KPNA7: variants seen among roughly 807,000 people sequenced by gnomAD.
The protein encoded by KPNA7 is importin subunit alpha-8.
In KPNA7, 54 loss-of-function variants were observed where a neutral mutation model predicts 53.7. That is an observed-to-expected ratio of 1.01 (90% CI 0.81 to 1.26). The LOEUF (loss-of-function observed/expected upper bound fraction) is 1.26. Ranked by LOEUF, KPNA7 falls within the 50% of genes most tolerant of loss-of-function variation. The pLI, the probability that KPNA7 is intolerant of heterozygous loss-of-function variation, is 0.00. For synonymous variants in KPNA7, 276 were observed against 259.3 expected (o/e 1.06, Z -0.62); for missense variants, 640 against 644.5 (o/e 0.99, Z 0.07).
At chr7:99,209,541 G>A (rs1167103476), upstream of KPNA7, among the ~76,000 whole-genome samples, 1 of 151,842 alleles carries the variant, frequency 6.6e-6, no homozygotes, top group Non-Finnish European at 1.5e-5. Context: ...AAATTAGCCA[G>A]GCGTAGTGGC....
the KPNA7 span, among the ~76,000 whole-genome samples, chr7:99,148,476 G>C: frequency 2.6e-5 from 4 of 152,206 alleles, no homozygotes; most frequent in Admixed American, 2.0e-4. Context: ...CCTTCCTCCA[G>C]AAAAATTCAT....
At chr7:99,181,109 CTCTCCGTCTGTG>C (rs1188996038) in intron 9 of KPNA7, among the ~76,000 whole-genome samples, 1 of 37,630 alleles carries the variant, frequency 2.7e-5, no homozygotes, top group Non-Finnish European at 6.5e-5. Context: ...CTGTGTCTCT[CTCTCCGTCTGTG>C]TCTCTCTCTC....
the KPNA7 span, among the ~76,000 whole-genome samples, chr7:99,155,951 C>T: frequency 2.0e-5 from 3 of 152,092 alleles, no homozygotes; most frequent in Non-Finnish European, 2.9e-5. Flanking sequence ...CCAACAAGAA[C>T]GAATCAACTT....
chr7:99,196,449 T>C (rs1406387362), intron 3 of KPNA7, among the ~76,000 whole-genome samples: 3 of 152,132 alleles, frequency 2.0e-5, no homozygotes, highest in Admixed American at 6.6e-5. Flanking sequence ...CAAAACAAAA[T>C]GGCAGACTAA....
At chr7:99,159,983 A>T in the KPNA7 span, among the ~76,000 whole-genome samples, 1 of 147,958 alleles carries the variant, frequency 6.8e-6, no homozygotes, top group African/African-American at 2.5e-5. Context: ...TGCTTTTCTG[A>T]AGTGTAGCTT....
chr7:99,217,873 C>G (rs1235792650), intron 1 of KPNA7, among the ~76,000 whole-genome samples: 2 of 152,202 alleles, frequency 1.3e-5, no homozygotes, highest in East Asian at 3.9e-4. Flanking sequence ...TCAAGCAACC[C>G]ACGCACCTCG....
At chr7:99,154,170 C>G in the KPNA7 span, among the ~76,000 whole-genome samples, 2 of 151,066 alleles carry the variant, frequency 1.3e-5, no homozygotes, top group African/African-American at 4.9e-5. Context: ...TCTCTGTCAC[C>G]CAGGCTGGAG....
chr7:99,199,518 T>C (rs1473097979), intron 3 of KPNA7, among the ~76,000 whole-genome samples: 7 of 152,172 alleles, frequency 4.6e-5, no homozygotes, highest in Non-Finnish European at 1.0e-4. Context: ...CAAATAACTG[T>C]GCTGGTACAA....
the KPNA7 span, among the ~76,000 whole-genome samples, chr7:99,163,729 T>A: frequency 6.6e-6 from 1 of 152,066 alleles, no homozygotes; most frequent in Non-Finnish European, 1.5e-5. Context: ...TATTTAACAT[T>A]ATTTAATGTA....
At chr7:99,176,171 G>A (rs968025042) in intron 10 of KPNA7, among the ~76,000 whole-genome samples, 1 of 151,784 alleles carries the variant, frequency 6.6e-6, no homozygotes, top group Non-Finnish European at 1.5e-5. Flanking sequence ...GGTGGTGGGC[G>A]CCTGTAATCC....
At chr7:99,185,840 G>T (rs1289075781) in intron 7 of KPNA7, among the ~76,000 whole-genome samples, 2 of 152,136 alleles carry the variant, frequency 1.3e-5, no homozygotes, top group African/African-American at 4.8e-5. Flanking sequence ...ACCCAGACTG[G>T]AGTATAGTGG....
intron 1 of KPNA7, among the ~76,000 whole-genome samples, chr7:99,216,381 C>T (rs1372530695): frequency 6.6e-6 from 1 of 152,068 alleles, no homozygotes; most frequent in Non-Finnish European, 1.5e-5. Flanking sequence ...CCAAGAAAGC[C>T]GAACTAGTGA....
chr7:99,183,244 T>C (rs1001083086), intron 8 of KPNA7, among the ~76,000 whole-genome samples: 4 of 150,674 alleles, frequency 2.7e-5, no homozygotes, highest in Non-Finnish European at 5.9e-5. Context: ...AGAGCGAGAC[T>C]CCATCTCCAA....
At chr7:99,214,023 A>AT (rs1791140658) in intron 1 of KPNA7, among the ~76,000 whole-genome samples, 1 of 152,102 alleles carries the variant, frequency 6.6e-6, no homozygotes, top group South Asian at 2.1e-4. Flanking sequence ...CTCAGACATC[A>AT]TTTCCCAAAG....
intron 8 of KPNA7, among the ~76,000 whole-genome samples, chr7:99,183,817 G>T: frequency 1.3e-5 from 2 of 152,250 alleles, no homozygotes; most frequent in Middle Eastern, 3.4e-3. Context: ...TCCTGCAAAA[G>T]GGGAGTACAA....
chr7:99,195,514 T>C (rs1208270438), intron 4 of KPNA7, among the ~76,000 whole-genome samples, 176 bp from the exon 5 acceptor site: 1 of 152,020 alleles, frequency 6.6e-6, no homozygotes, highest in African/African-American at 2.4e-5. Flanking sequence ...CTGGCCAACA[T>C]GGTGAAACCC....
downstream of KPNA7, among the ~76,000 whole-genome samples, chr7:99,169,404 G>A (rs1288327439): frequency 2.1e-5 from 3 of 144,934 alleles, no homozygotes; most frequent in Admixed American, 1.4e-4. Context: ...CAGATCACTT[G>A]AGGTCAGGAG....
At chr7:99,218,975 C>T (rs1321016097) in intron 1 of KPNA7, among the ~76,000 whole-genome samples, 1 of 152,262 alleles carries the variant, frequency 6.6e-6, no homozygotes, top group Non-Finnish European at 1.5e-5. Flanking sequence ...GAGCCGCAGC[C>T]TCCAGCCCCT....
chr7:99,165,077 G>A, the KPNA7 span, among the ~76,000 whole-genome samples: 1 of 152,118 alleles, frequency 6.6e-6, no homozygotes, highest in Non-Finnish European at 1.5e-5. Flanking sequence ...GGAGGCAGAG[G>A]TTGCAGTGAG....
Sources: gnomAD v4.1 joint callset for allele counts (sites outside exome capture counted in the v4.1 genomes callset) on GRCh38, gnomAD v4.1.1 for gene constraint, MANE v1.5 for transcripts, NCBI Gene and HGNC (gene_info 2026-07-23, HGNC 2026-07-21) for gene names.